CD160: variants seen among roughly 807,000 people sequenced by gnomAD.
CD160 encodes CD160 antigen.
In CD160, 11 loss-of-function variants were observed where a neutral mutation model predicts 19.2. The ratio of observed to expected loss-of-function variants is 0.57; its 90% CI spans 0.36 to 0.95. The LOEUF (loss-of-function observed/expected upper bound fraction) is 0.95. Ranked by LOEUF, CD160 falls within the 40% of genes least tolerant of loss-of-function variation. The pLI, the probability that CD160 is intolerant of heterozygous loss-of-function variation, is 0.01. For missense variants in CD160, 182 were observed against 213.2 expected, an observed-to-expected ratio of 0.85 and a Z score of 0.91; for synonymous variants, 75 against 81.1, an observed-to-expected ratio of 0.93 and a Z score of 0.40.
chr1:145,736,504 T>A (rs1657501157), intron 5 of CD160: 1 of 350,334 alleles, frequency 2.9e-6, no homozygotes, highest in African/African-American at 2.1e-5. Flanking sequence ...GGTTTGGAGA[T>A]GGGTTTTGAA....
intron 2 of CD160, among the ~76,000 whole-genome samples, chr1:145,726,375 T>C (rs1475545195): frequency 6.6e-6 from 1 of 152,130 alleles, no homozygotes; most frequent in Non-Finnish European, 1.5e-5. Flanking sequence ...ATGTGGCACA[T>C]ATACACCATG....
intron 4 of CD160, among the ~76,000 whole-genome samples, chr1:145,734,360 A>T (rs1408605837): frequency 6.6e-6 from 1 of 152,054 alleles, no homozygotes; most frequent in Non-Finnish European, 1.5e-5. Flanking sequence ...ACATACTACC[A>T]CCAGCTTGTC....
At chr1:145,730,581 C>T (rs1345681384) in intron 3 of CD160, among the ~76,000 whole-genome samples, 163 bp from the exon 4 acceptor site, 1 of 152,194 alleles carries the variant, frequency 6.6e-6, no homozygotes, top group Non-Finnish European at 1.5e-5. Context: ...CTTACAGTCA[C>T]ACAGCCATCG....
chr1:145,729,970 A>G (rs1657219942), intron 3 of CD160, among the ~76,000 whole-genome samples: 2 of 152,174 alleles, frequency 1.3e-5, no homozygotes, highest in Non-Finnish European at 2.9e-5. Context: ...TTCCTCAATT[A>G]TAATAACTGT....
chr1:145,734,147 C>T (rs1657397942), intron 4 of CD160, among the ~76,000 whole-genome samples: 1 of 152,162 alleles, frequency 6.6e-6, no homozygotes, highest in South Asian at 2.1e-4. Flanking sequence ...TTTGTTATTC[C>T]TTTCCTTCCA....
intron 3 of CD160, among the ~76,000 whole-genome samples, chr1:145,728,871 A>G (rs1657170765): frequency 6.6e-6 from 1 of 152,142 alleles, no homozygotes; most frequent in Non-Finnish European, 1.5e-5. Flanking sequence ...TCTCTGCTAT[A>G]TGTTTCAAAG....
intron 1 of CD160, among the ~76,000 whole-genome samples, chr1:145,724,196 C>G (rs1332261903): frequency 6.6e-6 from 1 of 152,120 alleles, no homozygotes; most frequent in Non-Finnish European, 1.5e-5. Context: ...TCCCTGAATA[C>G]TTGTAAAACT....
intron 4 of CD160, among the ~76,000 whole-genome samples, chr1:145,734,299 TGCCTA>T (rs1335953368): frequency 6.6e-6 from 1 of 152,170 alleles, no homozygotes; most frequent in Non-Finnish European, 1.5e-5. Context: ...ACTGAGCTGT[TGCCTA>T]ATGGTCCAGC....
intron 4 of CD160, among the ~76,000 whole-genome samples, chr1:145,733,802 C>T (rs1000743179): frequency 3.9e-5 from 6 of 152,150 alleles, no homozygotes; most frequent in South Asian, 2.1e-4. Flanking sequence ...CTTCTCACCC[C>T]TTCAACCTTT....
chr1:145,735,722 ACTAAG>A (rs1292423679), intron 4 of CD160, among the ~76,000 whole-genome samples: 3 of 152,230 alleles, frequency 2.0e-5, no homozygotes, highest in Non-Finnish European at 4.4e-5. Flanking sequence ...GTCCAAGGCG[ACTAAG>A]CTGTTTCAGC....
intron 2 of CD160, among the ~76,000 whole-genome samples, chr1:145,725,274 C>T (rs1209451029): frequency 2.6e-5 from 4 of 151,654 alleles, no homozygotes; most frequent in Admixed American, 1.3e-4. Flanking sequence ...AAAAATTAGC[C>T]GAGCGCAGTG....
chr1:145,737,080 A>G (rs1204427060), intron 5 of CD160: 3 of 152,216 alleles, frequency 2.0e-5, no homozygotes, highest in African/African-American at 7.2e-5. Flanking sequence ...TCTGGGCAAC[A>G]TGGCAAAACC....
intron 1 of CD160, among the ~76,000 whole-genome samples, chr1:145,723,785 T>C (rs1312918190): frequency 6.6e-6 from 1 of 152,180 alleles, no homozygotes; most frequent in African/African-American, 2.4e-5. Flanking sequence ...GGTTTCACCA[T>C]GTGGGCCAGG....
chr1:145,722,099 T>A (rs587749730), intron 1 of CD160, among the ~76,000 whole-genome samples: 8 of 152,296 alleles, frequency 5.3e-5, no homozygotes, highest in African/African-American at 1.9e-4. Context: ...TAGAAAATAA[T>A]AATGGCTTAG....
chr1:145,731,299 C>T (rs1371131657), intron 4 of CD160, among the ~76,000 whole-genome samples: 1 of 152,138 alleles, frequency 6.6e-6, no homozygotes, highest in Non-Finnish European at 1.5e-5. Context: ...TGCATTTTTA[C>T]TGACAGGGAG....
intron 4 of CD160, among the ~76,000 whole-genome samples, chr1:145,733,773 G>GAGTA (rs587604886): frequency 7.2e-4 from 109 of 152,018 alleles, no homozygotes; most frequent in Middle Eastern, 3.4e-3. Context: ...TCTCAAACAT[G>GAGTA]AGTATTCCCC....
In CD160 at chr1:145,736,150, C is replaced by A; in HGVS notation, c.538+16C>A. On this transcript the variant is annotated intron_variant, in intron 5 of 5. Transcript: ENST00000369288. The stretch of plus-strand genomic sequence containing the variant: ...GCCCTTCAAGGTATGTCCAAAAGAG[C>A]CGTAAGCACCCCAAGCAATGAGGGT... 1 of 1,613,884 alleles carries A rather than the reference C, an allele frequency of 6.2e-7. No individual in the cohort carries two copies. The highest frequency in any genetic ancestry group is 8.5e-7 in the Non-Finnish European group (1 of 1,179,988).
chr1:145,722,493 G>C (rs1178119418), intron 1 of CD160, among the ~76,000 whole-genome samples: 1 of 152,180 alleles, frequency 6.6e-6, no homozygotes, highest in Non-Finnish European at 1.5e-5. Context: ...GATGCTCCGT[G>C]TTTCTGAAAT....
At chr1:145,735,624 C>T (rs1373760368) in intron 4 of CD160, among the ~76,000 whole-genome samples, 1 of 151,918 alleles carries the variant, frequency 6.6e-6, no homozygotes, top group Non-Finnish European at 1.5e-5. Flanking sequence ...ACAAAAAAAA[C>T]CCAGATCTAT....
Sources: allele counts gnomAD v4.1 joint callset (sites outside exome capture counted in the v4.1 genomes callset), GRCh38; gene constraint gnomAD v4.1.1; transcripts MANE v1.5; gene names NCBI Gene and HGNC (gene_info 2026-07-23, HGNC 2026-07-21).